SORCS3: variants seen among roughly 807,000 people sequenced by gnomAD.
SORCS3 encodes VPS10 domain-containing receptor SorCS3.
In SORCS3, 57 loss-of-function variants were observed where a neutral mutation model predicts 146.3. The observed-to-expected ratio is 0.39, with a 90% CI of 0.31 to 0.49. The LOEUF (loss-of-function observed/expected upper bound fraction) is 0.49. Among genes scored for constraint, SORCS3 ranks in the 20% least tolerant of loss-of-function variants. The pLI, the probability that SORCS3 is intolerant of heterozygous loss-of-function variation, is 0.92. For synonymous variants in SORCS3, 653 were observed against 618.5 expected (o/e 1.06, Z -0.83); for missense variants, 1,341 against 1,575.5 (o/e 0.85, Z 2.52).
chr10:104,931,590 G>A (rs1052468844), intron 3 of SORCS3, among the ~76,000 whole-genome samples: 3 of 152,220 alleles, frequency 2.0e-5, no homozygotes, highest in African/African-American at 7.2e-5. Context: ...ATTGGAGAAT[G>A]TCTGTTGATA....
At chr10:105,155,113 G>A (rs2056197327) in intron 9 of SORCS3, among the ~76,000 whole-genome samples, 2 of 152,130 alleles carry the variant, frequency 1.3e-5, no homozygotes, top group South Asian at 4.1e-4. Flanking sequence ...CCATTCCCCT[G>A]GTTTTGTTCT....
At chr10:104,755,671 A>C (rs543399684) in intron 1 of SORCS3, among the ~76,000 whole-genome samples, 1 of 152,274 alleles carries the variant, frequency 6.6e-6, no homozygotes, top group African/African-American at 2.4e-5. Context: ...TGTGAGCAAA[A>C]ACCTAGAAGC....
chr10:104,831,691 G>A (rs1564693594), intron 1 of SORCS3, among the ~76,000 whole-genome samples: 1 of 152,188 alleles, frequency 6.6e-6, no homozygotes, highest in Non-Finnish European at 1.5e-5. Flanking sequence ...CTTTCTTTCA[G>A]TGTTTTGGGC....
intron 4 of SORCS3, among the ~76,000 whole-genome samples, chr10:105,009,872 T>G (rs1041226357): frequency 5.9e-5 from 9 of 152,166 alleles, no homozygotes; most frequent in African/African-American, 1.2e-4. Context: ...AAACTCCCTT[T>G]CTCCCTGACT....
intron 1 of SORCS3, among the ~76,000 whole-genome samples, chr10:104,711,962 G>A (rs890351314): frequency 1.1e-4 from 16 of 152,168 alleles, no homozygotes; most frequent in African/African-American, 3.9e-4. Context: ...TATCTCTCAT[G>A]ATGTTTCTAT....
At chr10:104,989,055 G>C (rs978707427) in intron 4 of SORCS3, among the ~76,000 whole-genome samples, 2 of 152,228 alleles carry the variant, frequency 1.3e-5, no homozygotes, top group African/African-American at 4.8e-5. Context: ...CACTTGTGTT[G>C]TCAATTGGCA....
chr10:104,671,584 T>G (rs1222342817), intron 1 of SORCS3, among the ~76,000 whole-genome samples: 4 of 151,848 alleles, frequency 2.6e-5, no homozygotes, highest in African/African-American at 9.7e-5. Flanking sequence ...TCATTTTTTC[T>G]GCCTCAGGCT....
intron 2 of SORCS3, among the ~76,000 whole-genome samples, chr10:104,859,310 A>G (rs2018373327): frequency 6.6e-6 from 1 of 152,160 alleles, no homozygotes; most frequent in Admixed American, 6.6e-5. Context: ...AAAAACAAGC[A>G]ATGGGGAAAG....
chr10:105,120,367 T>A (rs966712789), intron 7 of SORCS3, among the ~76,000 whole-genome samples: 1 of 152,176 alleles, frequency 6.6e-6, no homozygotes, highest in Non-Finnish European at 1.5e-5. Context: ...CTCATAGCAG[T>A]GTGAGAACAG....
intron 13 of SORCS3, among the ~76,000 whole-genome samples, chr10:105,173,319 A>G (rs189941934): frequency 2.2e-3 from 328 of 152,204 alleles, no homozygotes; most frequent in African/African-American, 7.6e-3. Context: ...TCAAAAACAC[A>G]AAAAAACAAC....
chr10:105,208,650 T>C (rs1026204284), intron 16 of SORCS3, among the ~76,000 whole-genome samples: 5 of 149,184 alleles, frequency 3.4e-5, no homozygotes, highest in African/African-American at 1.2e-4. Context: ...ATATATTATA[T>C]ATAATAATAA....
intron 1 of SORCS3, among the ~76,000 whole-genome samples, chr10:104,753,380 C>G (rs1385248577): frequency 1.3e-5 from 2 of 152,160 alleles, no homozygotes; most frequent in African/African-American, 4.8e-5. Flanking sequence ...GATCTACATT[C>G]ATGTAGAATG....
chr10:104,978,820 C>G (rs983990877), intron 4 of SORCS3, among the ~76,000 whole-genome samples: 2 of 152,134 alleles, frequency 1.3e-5, no homozygotes, highest in Non-Finnish European at 2.9e-5. Flanking sequence ...TGCTTAAACC[C>G]TTCTCACATT....
chr10:105,136,719 G>C (rs2056061154), intron 7 of SORCS3, among the ~76,000 whole-genome samples: 1 of 152,154 alleles, frequency 6.6e-6, no homozygotes. Context: ...ATTTTGGCAA[G>C]TACGGAGAAG....
intron 3 of SORCS3, among the ~76,000 whole-genome samples, chr10:104,916,211 T>C (rs2019025152): frequency 6.6e-6 from 1 of 152,234 alleles, no homozygotes; most frequent in African/African-American, 2.4e-5. Flanking sequence ...TAGAAACTAT[T>C]ATGGTCCCCA....
intron 1 of SORCS3, among the ~76,000 whole-genome samples, chr10:104,779,897 G>C (rs1429783296): frequency 6.6e-6 from 1 of 152,210 alleles, no homozygotes; most frequent in Non-Finnish European, 1.5e-5. Context: ...TGTCAGTGCT[G>C]AGTAACGTGG....
intron 4 of SORCS3, among the ~76,000 whole-genome samples, chr10:105,002,531 A>G (rs2055068538): frequency 6.6e-6 from 1 of 152,250 alleles, no homozygotes; most frequent in South Asian, 2.1e-4. Context: ...TGTTCAATAC[A>G]GAAACCTCTA....
At chr10:104,757,892 A>C in intron 1 of SORCS3, among the ~76,000 whole-genome samples, 1 of 134,158 alleles carries the variant, frequency 7.5e-6, no homozygotes, top group African/African-American at 2.8e-5. Flanking sequence ...TGATGCTGAT[A>C]GTGGCTGTCT....
At chr10:105,079,664 T>A (rs1040796816) in intron 5 of SORCS3, among the ~76,000 whole-genome samples, 1 of 152,198 alleles carries the variant, frequency 6.6e-6, no homozygotes, top group African/African-American at 2.4e-5. Context: ...GATTATTTTG[T>A]CACTCAGATA....
Sources: allele counts gnomAD v4.1 joint callset (sites outside exome capture counted in the v4.1 genomes callset), GRCh38; gene constraint gnomAD v4.1.1; transcripts MANE v1.5; gene names NCBI Gene and HGNC (gene_info 2026-07-23, HGNC 2026-07-21).